Variants in CAMTA1 observed in about 807,000 individuals in gnomAD.
The protein encoded by CAMTA1 is calmodulin-binding transcription activator 1.
A neutral mutation model predicts 170.9 loss-of-function variants in CAMTA1; 27 were observed. That is an observed-to-expected ratio of 0.16 (90% CI 0.12 to 0.22). The LOEUF (loss-of-function observed/expected upper bound fraction) is 0.22, where lower values mean the gene tolerates loss of function less well. Ranked by LOEUF, CAMTA1 falls within the 10% of genes least tolerant of loss-of-function variation. The pLI is 1.00. For synonymous variants in CAMTA1, 833 were observed against 891.5 expected, an observed-to-expected ratio of 0.93 and a Z score of 1.17; for missense variants, 1,619 against 2,217.2, an observed-to-expected ratio of 0.73 and a Z score of 5.42.
At chr1:7,006,806 A>C (rs1699063751) in intron 3 of CAMTA1, among the ~76,000 whole-genome samples, 1 of 151,952 alleles carries the variant, frequency 6.6e-6, no homozygotes, top group African/African-American at 2.4e-5. Flanking sequence ...CCTTGTTCCC[A>C]CACTAACATT....
At chr1:7,099,329 G>T (rs971825761) in intron 4 of CAMTA1, among the ~76,000 whole-genome samples, 1 of 152,178 alleles carries the variant, frequency 6.6e-6, no homozygotes, top group African/African-American at 2.4e-5. Context: ...GGGATTACAG[G>T]CATGAGTCAG....
At chr1:7,656,925 AT>A (rs1431910574) in intron 7 of CAMTA1, among the ~76,000 whole-genome samples, 1 of 152,242 alleles carries the variant, frequency 6.6e-6, no homozygotes, top group Non-Finnish European at 1.5e-5. Flanking sequence ...CTAGGTCAGC[AT>A]TGGAGTGGGC....
intron 7 of CAMTA1, among the ~76,000 whole-genome samples, chr1:7,655,122 AC>A (rs2095880780): frequency 2.1e-5 from 3 of 144,630 alleles, no homozygotes; most frequent in Non-Finnish European, 3.0e-5. Context: ...ACCTATACAC[AC>A]ACCTCTATAC....
chr1:7,106,552 C>G (rs1643610898), intron 4 of CAMTA1, among the ~76,000 whole-genome samples: 1 of 152,110 alleles, frequency 6.6e-6, no homozygotes, highest in African/African-American at 2.4e-5. Context: ...CTTTCTTTTT[C>G]ACATTTGAGT....
intron 1 of CAMTA1, among the ~76,000 whole-genome samples, chr1:6,819,206 T>G (rs1055758981): frequency 6.6e-6 from 1 of 152,178 alleles, no homozygotes; most frequent in Non-Finnish European, 1.5e-5. Flanking sequence ...GTTTATAATG[T>G]AGGATGAATA....
At chr1:7,424,613 G>A (rs907661583) in intron 5 of CAMTA1, among the ~76,000 whole-genome samples, 3 of 152,128 alleles carry the variant, frequency 2.0e-5, no homozygotes, top group African/African-American at 4.8e-5. Flanking sequence ...AAAGCAGGCC[G>A]CTGTGGATGG....
Position 6,979,711 on chromosome 1 carries a change from A to G in CAMTA1, c.235-111593A>G, listed in dbSNP as rs375238783. Among the ~76,000 whole-genome samples the G allele has an allele frequency of 1.1e-3, 174 of 152,276 alleles. 2 individuals are homozygous for G. Among genetic ancestry groups the G allele is most frequent in the Non-Finnish European group, 5.4e-4 (37 of 68,006 alleles). ...ACCATCCTAAAATTAGAAGAAAACT[A>G]AAAATCATGAAGCTGAGCTGGTGGT... is the stretch of plus-strand genomic sequence containing the variant. On this transcript the variant is annotated intron_variant, in intron 3 of 22. Coordinates refer to ENST00000303635, the MANE Select transcript of CAMTA1 (RefSeq NM_015215.4).
intron 3 of CAMTA1, among the ~76,000 whole-genome samples, chr1:6,833,084 C>T (rs1388003480): frequency 2.6e-5 from 4 of 152,148 alleles, no homozygotes; most frequent in Non-Finnish European, 5.9e-5. Flanking sequence ...AATGTCCTCC[C>T]ACACAGGTGA....
intron 5 of CAMTA1, among the ~76,000 whole-genome samples, chr1:7,328,500 A>T (rs2082830157): frequency 6.6e-6 from 1 of 152,160 alleles, no homozygotes; most frequent in Non-Finnish European, 1.5e-5. Flanking sequence ...GTCTCAATAA[A>T]TAAATAAATA....
chr1:7,399,404 G>A (rs1329620457), intron 5 of CAMTA1, among the ~76,000 whole-genome samples: 1 of 152,154 alleles, frequency 6.6e-6, no homozygotes, highest in Non-Finnish European at 1.5e-5. Context: ...GTAGAACCAT[G>A]AGCTAAATAA....
chr1:7,064,984 G>A lies in CAMTA1; in HGVS notation c.235-26320G>A, dbSNP rs1335842252. 2.6e-5 allele frequency among the ~76,000 whole-genome samples: 4 copies of A among 152,182 alleles called. No homozygotes were observed. Among genetic ancestry groups the A allele is most frequent in the Admixed American group, 6.5e-5 (1 of 15,280 alleles). ...CAGAGTTTGTAGGTTTTCAGCTTCA[G>A]TACCTAGGTCACCAGCAGTGTCATC... On this transcript the variant is annotated intron_variant, in intron 3 of 22. Transcript: ENST00000303635. This position sits in a 1 kb window ranked among gnomAD's most constrained non-coding sequence, Gnocchi z 5.4.
chr1:6,992,540 T>C (rs922483367), intron 3 of CAMTA1, among the ~76,000 whole-genome samples: 15 of 152,224 alleles, frequency 9.9e-5, no homozygotes, highest in African/African-American at 2.4e-4. Context: ...TAGAAAGAAA[T>C]ACCTGAGACT....
intron 5 of CAMTA1, among the ~76,000 whole-genome samples, chr1:7,343,995 A>G (rs1041757374): frequency 1.3e-5 from 2 of 152,204 alleles, no homozygotes; most frequent in African/African-American, 4.8e-5. Context: ...AGCATTGCCC[A>G]GAATAGTCAT....
At chr1:7,714,662 C>T (rs770695178) in intron 11 of CAMTA1, among the ~76,000 whole-genome samples, 1 of 152,054 alleles carries the variant, frequency 6.6e-6, no homozygotes, top group Non-Finnish European at 1.5e-5. Context: ...GCTGGGACTC[C>T]AGGTGCGTGT....
rs1036551091 is a variant in CAMTA1 at position 7,561,964 on chromosome 1, C to G, written c.511-78436C>G. Reference sequence around the variant, plus strand: ...CCCCTGACCTGCCCAGTCCTGTGTTCCAGGTCAGAAGAGCAAACGCAGTCT... The same window carrying G: ...CCCCTGACCTGCCCAGTCCTGTGTTGCAGGTCAGAAGAGCAAACGCAGTCT... On this transcript the variant is annotated intron_variant, in intron 6 of 22. Transcript: ENST00000303635. This position sits in a 1 kb window ranked among gnomAD's most constrained non-coding sequence, Gnocchi z 5.3. 1.3e-5 allele frequency among the ~76,000 whole-genome samples: 2 copies of G among 152,202 alleles called. No individual in the cohort carries two copies. Among genetic ancestry groups the G allele is most frequent in the African/African-American group, 4.8e-5 (2 of 41,442 alleles).
chr1:6,942,318 A>G (rs941186452), intron 3 of CAMTA1, among the ~76,000 whole-genome samples: 2 of 152,172 alleles, frequency 1.3e-5, no homozygotes, highest in African/African-American at 4.8e-5. Context: ...CAGTATTACA[A>G]TTTTATAAAA....
chr1:7,738,366 C>T lies in CAMTA1; in HGVS notation c.4066C>T (p.Arg1356Trp), dbSNP rs777480195. 2.8e-5 allele frequency: 46 copies of T among 1,614,188 alleles called. No homozygotes were observed. The highest frequency in any genetic ancestry group is 3.6e-5 in the Non-Finnish European group (42 of 1,180,038). Residue 1356 changes from arginine (R) to tryptophan (W), a missense_variant, in exon 16 of 23, where the codon CGG (arginine) becomes TGG (tryptophan). By Grantham distance (101) the Arg-to-Trp change is moderately radical. Transcript: ENST00000303635. This position sits in a 1 kb window ranked among gnomAD's most constrained non-coding sequence, Gnocchi z 4.9. ...KEAAPSQVRP[R>W]EPMSVLMMAN... ...GGCAGCACCTTCACAGGTGCGTCCACGGGAACCAATGAGTGTCCTGATGAT... is the reference window on the plus strand; with the variant it reads ...GGCAGCACCTTCACAGGTGCGTCCATGGGAACCAATGAGTGTCCTGATGAT...
intron 3 of CAMTA1, among the ~76,000 whole-genome samples, chr1:6,898,712 G>A (rs935631658): frequency 2.6e-5 from 4 of 152,132 alleles, no homozygotes; most frequent in Non-Finnish European, 4.4e-5. Flanking sequence ...ATATGCTCAG[G>A]AAAGATACTG....
At chr1:6,926,504 C>T (rs1279871935) in intron 3 of CAMTA1, among the ~76,000 whole-genome samples, 4 of 136,198 alleles carry the variant, frequency 2.9e-5, no homozygotes, top group African/African-American at 5.5e-5. Flanking sequence ...CTCTTTTCTT[C>T]CTTCCTTCCT....
Sources: gnomAD v4.1 joint callset for allele counts (sites outside exome capture counted in the v4.1 genomes callset) on GRCh38, gnomAD v4.1.1 for gene constraint, Gnocchi (gnomAD v3.1) non-coding constraint, MANE v1.5 for transcripts, NCBI Gene and HGNC (gene_info 2026-07-23, HGNC 2026-07-21) for gene names.